FAM222B: variants seen among roughly 807,000 people sequenced by gnomAD.
FAM222B encodes the protein family with sequence similarity 222 member B, also known as protein FAM222B.
FAM222B carries 12 observed loss-of-function variants against 38.0 expected under a neutral mutation model. The ratio of observed to expected loss-of-function variants is 0.32; its 90% CI spans 0.20 to 0.51. FAM222B has a LOEUF of 0.51. Ranked by LOEUF, FAM222B falls within the 20% of genes least tolerant of loss-of-function variation. The pLI is 0.97. For synonymous variants in FAM222B, 329 were observed against 317.2 expected (o/e 1.04, Z -0.40); for missense variants, 716 against 754.2 (o/e 0.95, Z 0.59).
At chr17:28,764,489 C>T (rs2035237232) in intron 2 of FAM222B, among the ~76,000 whole-genome samples, 1 of 151,814 alleles carries the variant, frequency 6.6e-6, no homozygotes, top group Non-Finnish European at 1.5e-5. Context: ...TGGCTCACAC[C>T]TGTAATCCCA....
At chr17:28,786,352 G>A (rs1306542097) in intron 1 of FAM222B, among the ~76,000 whole-genome samples, 1 of 152,170 alleles carries the variant, frequency 6.6e-6, no homozygotes, top group African/African-American at 2.4e-5. Context: ...ACTATACATA[G>A]GCAAAGGAAA....
chr17:28,809,755 CTTGAGGCCAGGAGT>C (rs1241678242), intron 1 of FAM222B, among the ~76,000 whole-genome samples: 2 of 152,076 alleles, frequency 1.3e-5, no homozygotes, highest in African/African-American at 2.4e-5. Context: ...GGGAGGGCTG[CTTGAGGCCAGGAGT>C]TTGAGACCAA....
Position 28,759,245 on chromosome 17 carries a change from G to C in FAM222B, c.714C>G (p.Ala238=). The change falls in exon 3 of 3, where the codon GCC becomes GCG. Residue 238 remains alanine (A), a synonymous_variant. Transcript: ENST00000581407. The surrounding 1 kb of genome is among the most constrained non-coding windows in gnomAD (Gnocchi z 4.8). ...HGGRKMPDSD[A]PPNVTVSTST... Reference sequence around the variant, plus strand: ...AGGTAGACACGGTCACATTCGGGGGGGCATCTGAGTCTGGCATCTTCCGGC... The same window carrying C: ...AGGTAGACACGGTCACATTCGGGGGCGCATCTGAGTCTGGCATCTTCCGGC... 1 of 1,613,664 alleles carries C rather than the reference G, an allele frequency of 6.2e-7. No individual in the cohort carries two copies. Among genetic ancestry groups the C allele is most frequent in the Non-Finnish European group, 8.5e-7 (1 of 1,179,792 alleles).
chr17:28,854,806 G>A, intron 1 of FAM222B: 2 of 474,466 alleles, frequency 4.2e-6, no homozygotes, highest in Non-Finnish European at 7.4e-6. Flanking sequence ...AATACGTTGT[G>A]TATGGGAGTC....
chr17:28,813,359 G>T (rs1200832310), intron 1 of FAM222B, among the ~76,000 whole-genome samples: 2 of 152,054 alleles, frequency 1.3e-5, no homozygotes, highest in African/African-American at 2.4e-5. Context: ...CAGACTGGAG[G>T]AGACTAAGAC....
At chr17:28,807,237 A>G (rs1031690944) in intron 1 of FAM222B, among the ~76,000 whole-genome samples, 2 of 152,078 alleles carry the variant, frequency 1.3e-5, no homozygotes, top group Non-Finnish European at 2.9e-5. Context: ...GCTGGTCTTG[A>G]ACTCCCGAAC....
At chr17:28,802,163 T>C (rs1490089513) in intron 1 of FAM222B, among the ~76,000 whole-genome samples, 1 of 150,736 alleles carries the variant, frequency 6.6e-6, no homozygotes, top group Non-Finnish European at 1.5e-5. Flanking sequence ...AATGGTGCGA[T>C]CTCGGCTTAC....
intron 1 of FAM222B, among the ~76,000 whole-genome samples, chr17:28,810,919 A>C (rs898231018): frequency 2.0e-5 from 3 of 152,172 alleles, no homozygotes; most frequent in Non-Finnish European, 2.9e-5. Context: ...AAAAATCACT[A>C]ATCTAGCCAA....
intron 1 of FAM222B, among the ~76,000 whole-genome samples, chr17:28,788,032 C>G (rs1422879000): frequency 1.3e-5 from 2 of 152,116 alleles, no homozygotes; most frequent in Non-Finnish European, 2.9e-5. Flanking sequence ...CCATGTTGGT[C>G]AGGCTAGTTT....
upstream of FAM222B, among the ~76,000 whole-genome samples, chr17:28,846,152 G>A (rs373543832): frequency 1.5e-4 from 22 of 142,188 alleles, no homozygotes; most frequent in South Asian, 2.4e-3. Flanking sequence ...GCAGTGAGCC[G>A]AGACCATGCC....
At chr17:28,761,194 G>C (rs1055922611) in intron 2 of FAM222B, among the ~76,000 whole-genome samples, 1 of 152,220 alleles carries the variant, frequency 6.6e-6, no homozygotes, top group African/African-American at 2.4e-5. Flanking sequence ...CCCATCAGGG[G>C]GCTCAGCGGA....
chr17:28,823,255 C>G (rs983665939), intron 1 of FAM222B, among the ~76,000 whole-genome samples: 1 of 152,000 alleles, frequency 6.6e-6, no homozygotes. Context: ...CTCCAATGAA[C>G]GGTTCTACTG....
chr17:28,773,409 G>A, intron 1 of FAM222B, among the ~76,000 whole-genome samples: 1 of 146,284 alleles, frequency 6.8e-6, no homozygotes, highest in Non-Finnish European at 1.5e-5. Flanking sequence ...AACCTGGGAG[G>A]TGGAGGTTGC....
intron 1 of FAM222B, among the ~76,000 whole-genome samples, chr17:28,767,304 C>G (rs758375018): frequency 6.6e-6 from 1 of 151,940 alleles, no homozygotes; most frequent in Non-Finnish European, 1.5e-5. Flanking sequence ...TAAAGGCACC[C>G]GCCACCACGC....
intron 1 of FAM222B, among the ~76,000 whole-genome samples, chr17:28,778,697 G>GTATATATATATATATA (rs1204895077): frequency 1.8e-4 from 8 of 45,344 alleles, no homozygotes; most frequent in South Asian, 1.1e-3. Context: ...GTGTGTGTGT[G>GTATATATATATATATA]TATATATATA....
In FAM222B at chr17:28,759,990, A is replaced by C; in HGVS notation, c.83-114T>G. The C allele has an allele frequency of 9.6e-7, 1 of 1,045,294 alleles. No homozygotes were observed. Among genetic ancestry groups the C allele is most frequent in the Non-Finnish European group, 1.4e-6 (1 of 731,858 alleles). The allele number at this position is 1,045,294 out of a possible 1,614,324, so 64.8% of individuals were successfully genotyped here. The stretch of plus-strand genomic sequence containing the variant: ...GGGCCTGGGGTGGGGTGGGGAAATG[A>C]CTAGATTGTCATCTGTAGCCTTCAT... On this transcript the variant is annotated intron_variant, in intron 2 of 2. Transcript: ENST00000581407. This position sits in a 1 kb window ranked among gnomAD's most constrained non-coding sequence, Gnocchi z 4.8.
intron 1 of FAM222B, among the ~76,000 whole-genome samples, chr17:28,832,138 C>G (rs2038689295): frequency 6.6e-6 from 1 of 151,790 alleles, no homozygotes; most frequent in Admixed American, 6.6e-5. Flanking sequence ...TGCCGTGAGC[C>G]GAGATCGCGC....
At chr17:28,770,171 G>C (rs1421428303) in intron 1 of FAM222B, among the ~76,000 whole-genome samples, 1 of 152,048 alleles carries the variant, frequency 6.6e-6, no homozygotes, top group Non-Finnish European at 1.5e-5. Flanking sequence ...TATAAACTCA[G>C]TAAGAACAGA....
Position 28,769,791 on chromosome 17 carries a change from C to T in FAM222B, c.-40-3084G>A, listed in dbSNP as rs543742576. Among the ~76,000 whole-genome samples the T allele has an allele frequency of 1.1e-3, 175 of 152,304 alleles. 1 individual carries two copies. The highest frequency in any genetic ancestry group is 3.4e-3 in the Middle Eastern group (1 of 294). On this transcript the variant is annotated intron_variant, in intron 1 of 2. Coordinates refer to ENST00000581407, the MANE Select transcript of FAM222B (RefSeq NM_001077498.3). The stretch of plus-strand genomic sequence containing the variant: ...AGCCACCATGGTCTCACCATGGTTT[C>T]CCTGCAGTTCCTTCAACGAGCCAAA...
Sources: gnomAD v4.1 joint callset for allele counts (sites outside exome capture counted in the v4.1 genomes callset) on GRCh38, gnomAD v4.1.1 for gene constraint, Gnocchi (gnomAD v3.1) non-coding constraint, MANE v1.5 for transcripts, NCBI Gene and HGNC (gene_info 2026-07-23, HGNC 2026-07-21) for gene names.